Variants in GNE observed in about 807,000 individuals in gnomAD.
GNE encodes bifunctional UDP-N-acetylglucosamine 2-epimerase/N-acetylmannosamine kinase.
Under a neutral mutation model 61.8 loss-of-function variants are expected in GNE, and 41 were observed. The ratio of observed to expected loss-of-function variants is 0.66; its 90% CI spans 0.52 to 0.86. GNE has a LOEUF of 0.86. Ranked by LOEUF, GNE falls within the 40% of genes least tolerant of loss-of-function variation. The pLI, the probability that GNE is intolerant of heterozygous loss-of-function variation, is 0.00. For missense variants in GNE, 608 were observed against 909.1 expected (o/e 0.67, Z 4.26); for synonymous variants, 264 against 326.4 (o/e 0.81, Z 2.06).
intron 2 of GNE, among the ~76,000 whole-genome samples, chr9:36,247,211 C>G (rs969529449): frequency 1.3e-5 from 2 of 152,068 alleles, no homozygotes; most frequent in African/African-American, 4.8e-5. Context: ...CGTGTGCCAT[C>G]ACGCCCAGCT....
chr9:36,251,937 G>C (rs1830119298), intron 1 of GNE, among the ~76,000 whole-genome samples: 2 of 151,468 alleles, frequency 1.3e-5, no homozygotes, highest in Admixed American at 1.3e-4. Context: ...TAACGAAACG[G>C]GCATTCCACC....
intron 9 of GNE, among the ~76,000 whole-genome samples, chr9:36,222,201 G>A (rs1051228931): frequency 4.0e-5 from 6 of 151,894 alleles, no homozygotes; most frequent in African/African-American, 9.7e-5. Context: ...GGCGGATCAC[G>A]AGGTCAGGAG....
chr9:36,243,268 C>A (rs1426071116), intron 3 of GNE, among the ~76,000 whole-genome samples: 2 of 152,100 alleles, frequency 1.3e-5, no homozygotes, highest in Non-Finnish European at 2.9e-5. Flanking sequence ...TGTTCTCAAA[C>A]CCCTAGGCTC....
At chr9:36,273,509 G>A (rs745333759) in intron 1 of GNE, among the ~76,000 whole-genome samples, 5 of 151,784 alleles carry the variant, frequency 3.3e-5, no homozygotes, top group East Asian at 1.9e-4. Context: ...GAGCCACTGC[G>A]CCTGGCCACA....
intron 1 of GNE, among the ~76,000 whole-genome samples, chr9:36,266,351 G>T (rs1340238931): frequency 1.3e-5 from 2 of 152,246 alleles, no homozygotes; most frequent in Non-Finnish European, 2.9e-5. Context: ...AGATATCACT[G>T]CATACGCCAG....
chr9:36,256,426 G>A (rs535781156), intron 1 of GNE, among the ~76,000 whole-genome samples: 44 of 151,004 alleles, frequency 2.9e-4, no homozygotes, highest in Non-Finnish European at 5.8e-4. Flanking sequence ...TGTATTTTTA[G>A]TAGAGATGAG....
At chr9:36,221,225 G>A (rs1184145287) in intron 9 of GNE, among the ~76,000 whole-genome samples, 1 of 152,214 alleles carries the variant, frequency 6.6e-6, no homozygotes, top group Non-Finnish European at 1.5e-5. Context: ...GGAGGCTGAG[G>A]CAGGGGAATC....
In GNE at chr9:36,227,331, T is replaced by C; in HGVS notation, c.1198A>G (p.Ile400Val). ...CTTAGAGTTTCAAGAATATGGTCAATATCTTGAGAGATATTCTCCTTCACA... is the reference window on the plus strand; with the variant it reads ...CTTAGAGTTTCAAGAATATGGTCAACATCTTGAGAGATATTCTCCTTCACA... ...PPVKENISQD[I>V]DHILETLSAL... The change falls in exon 7 of 12, where the codon ATT becomes GTT. Residue 400 changes from isoleucine (I) to valine (V), a missense_variant. Coordinates refer to ENST00000642385, the MANE Select transcript of GNE (RefSeq NM_005476.7). 6.2e-7 allele frequency: 1 copy of C among 1,611,872 alleles called. No individual in the cohort carries two copies. Among genetic ancestry groups the C allele is most frequent in the South Asian group, 1.1e-5 (1 of 91,014 alleles).
Position 36,227,378 on chromosome 9 carries a change from T to A in GNE, c.1151A>T (p.Gln384Leu). The A allele has an allele frequency of 6.2e-7, 1 of 1,612,076 alleles. No individual in the cohort carries two copies. Among genetic ancestry groups the A allele is most frequent in the East Asian group, 2.2e-5 (1 of 44,878 alleles). Reference sequence around the variant, plus strand: ...CACAGGAGGAAAGCAGAATTTCTTTTGCAGTGGCTCTTGAAGATCGATAGA... The same window carrying A: ...CACAGGAGGAAAGCAGAATTTCTTTAGCAGTGGCTCTTGAAGATCGATAGA... The part of the protein sequence containing the change: ...LKSIDLQEPL[Q>L]KKFCFPPVKE... Residue 384 changes from glutamine (Q) to leucine (L), a missense_variant, in exon 7 of 12, where the codon CAA becomes CTA. By Grantham distance (113) the Gln-to-Leu change is moderately radical (BLOSUM62 -2). Transcript: ENST00000642385.
intron 1 of GNE, among the ~76,000 whole-genome samples, chr9:36,272,603 A>G (rs1187671584): frequency 7.5e-6 from 1 of 133,240 alleles, no homozygotes; most frequent in Admixed American, 8.5e-5. Flanking sequence ...CCTGGGCGAC[A>G]GAGCGAGACT....
rs767483744 is a variant in GNE, at chr9:36,216,290, CCTT to C, written c.*1072_*1074del. The C allele has an allele frequency of 4.2e-5, 18 of 430,612 alleles. No homozygotes were observed. Among genetic ancestry groups the C allele is most frequent in the Admixed American group, 4.0e-4 (16 of 40,404 alleles). The allele number at this position is 430,612 out of a possible 1,614,324, so 26.7% of individuals were successfully genotyped here. On this transcript the variant is annotated 3_prime_UTR_variant, in exon 12 of 12. Transcript: ENST00000642385. ...TTCCCTCTGTTCTCTGACTGGATCA[CCTT>C]CTGTGATCTTAGTTTGGGGTTAGAG...
At chr9:36,229,682 G>C (rs1283286254) in intron 5 of GNE, among the ~76,000 whole-genome samples, 1 of 152,128 alleles carries the variant, frequency 6.6e-6, no homozygotes, top group Non-Finnish European at 1.5e-5. Flanking sequence ...ATGTTTAAAT[G>C]ATGAGGAGGT....
upstream of GNE, among the ~76,000 whole-genome samples, chr9:36,261,765 C>G (rs1782541343): frequency 6.6e-6 from 1 of 150,754 alleles, no homozygotes; most frequent in Non-Finnish European, 1.5e-5. Context: ...ACTAAAAATA[C>G]AAAAAAAATT....
intron 3 of GNE, among the ~76,000 whole-genome samples, chr9:36,243,253 C>T (rs572243135): frequency 6.6e-6 from 1 of 152,286 alleles, no homozygotes; most frequent in Admixed American, 6.5e-5. Flanking sequence ...CCACGTTGCC[C>T]AGGCTGTTCT....
At chr9:36,252,662 G>C (rs1054043576) in intron 1 of GNE, among the ~76,000 whole-genome samples, 1 of 151,930 alleles carries the variant, frequency 6.6e-6, no homozygotes, top group African/African-American at 2.4e-5. Flanking sequence ...ATAAAATTAA[G>C]GTAAAATGCC....
chr9:36,246,532 G>A, intron 2 of GNE, 50 bp from the exon 3 acceptor site: 1 of 1,313,060 alleles, frequency 7.6e-7, no homozygotes, highest in South Asian at 1.2e-5. Flanking sequence ...TAAACACAGA[G>A]CCGTAACATG....
intron 11 of GNE, among the ~76,000 whole-genome samples, chr9:36,217,809 C>T (rs1828399755): frequency 6.6e-6 from 1 of 152,068 alleles, no homozygotes; most frequent in East Asian, 1.9e-4. Context: ...CCGGGTGTAC[C>T]ACATGATCTC....
At position 36,217,135 on chromosome 9, in the gene GNE, T is replaced by C; in HGVS notation, c.*230A>G. ...AATTGTGACTGTAACTTACAGGGTT[T>C]GAGCTAAAATGACCCCTAGTAAGAA... On this transcript the variant is annotated 3_prime_UTR_variant, in exon 12 of 12. Coordinates refer to ENST00000642385, the MANE Select transcript of GNE (RefSeq NM_005476.7). 1.8e-6 allele frequency: 1 copy of C among 558,914 alleles called. No homozygotes were observed. Among genetic ancestry groups the C allele is most frequent in the South Asian group, 2.0e-5 (1 of 49,678 alleles). 34.6% of individuals were successfully genotyped at this position (558,914 alleles called of 1,614,324 possible). A position where few individuals can be genotyped will look rare whatever the true frequency, so the allele number is the denominator to read the frequency against.
In GNE at chr9:36,223,492, A is replaced by G; in HGVS notation, c.1292T>C (p.Val431Ala). ...AGGATTGAACTGAGTATACTTCTTA[A>G]CTATTTCACCCTAAAAGAGAAAACA... Reference protein sequence around the residue: ...VAIVSMKGEIVKKYTQFNPKT... With the variant: ...VAIVSMKGEIAKKYTQFNPKT... The change falls in exon 8 of 12, where the codon GTT (valine) becomes GCT (alanine). Residue 431 changes from valine to alanine, a missense_variant. Val to Ala is a moderately conservative substitution (Grantham distance 64). Transcript: ENST00000642385. 1 of 1,611,268 alleles carries G rather than the reference A, an allele frequency of 6.2e-7. No individual in the cohort carries two copies. The highest frequency in any genetic ancestry group is 8.5e-7 in the Non-Finnish European group (1 of 1,178,258).
Sources: allele counts gnomAD v4.1 joint callset (sites outside exome capture counted in the v4.1 genomes callset), GRCh38; gene constraint gnomAD v4.1.1; transcripts MANE v1.5; gene names NCBI Gene and HGNC (gene_info 2026-07-23, HGNC 2026-07-21).